USP47: variants seen among roughly 807,000 people sequenced by gnomAD.
USP47 encodes ubiquitin carboxyl-terminal hydrolase 47.
Under a neutral mutation model 165.1 loss-of-function variants are expected in USP47, and 35 were observed. The observed-to-expected ratio is 0.21, with a 90% CI of 0.16 to 0.28. The LOEUF (loss-of-function observed/expected upper bound fraction) is 0.28, where lower values mean the gene tolerates loss of function less well. USP47 is among the 10% of genes least tolerant of loss of function. The probability of loss-of-function intolerance (pLI) is 1.00; values close to 1 mark genes in which losing one functional copy is unlikely to be tolerated. For synonymous variants in USP47, 531 were observed against 544.5 expected (o/e 0.98, Z 0.35); for missense variants, 1,277 against 1,607.4 (o/e 0.79, Z 3.52).
Position 11,845,377 on chromosome 11 carries a change from A to T in USP47, c.39+3153A>T, listed in dbSNP as rs566615872. The stretch of plus-strand genomic sequence containing the variant: ...ATACACATTTTTCCATAAGTACCTC[A>T]TATCTCATTTATGCTAAATAGCCTT... On this transcript the variant is annotated intron_variant, in intron 1 of 27. Transcript: ENST00000527733. Among the ~76,000 whole-genome samples, 12 of 152,184 alleles carry T rather than the reference A, an allele frequency of 7.9e-5. 1 individual carries two copies. In the South Asian group the frequency reaches 2.3e-3, roughly 29 times the overall value.
At chr11:11,923,940 A>G (rs1170736338) in intron 11 of USP47, among the ~76,000 whole-genome samples, 2 of 152,348 alleles carry the variant, frequency 1.3e-5, no homozygotes, top group East Asian at 3.9e-4. Context: ...GTGTTTTTAC[A>G]TACACTTTCA....
At chr11:11,916,349 A>G (rs1019729681) in intron 8 of USP47, among the ~76,000 whole-genome samples, 2 of 152,196 alleles carry the variant, frequency 1.3e-5, no homozygotes, top group Non-Finnish European at 2.9e-5. Flanking sequence ...TAAGATCTAG[A>G]ATATGAAACT....
At chr11:11,938,799 G>A (rs1855264150) in intron 18 of USP47, among the ~76,000 whole-genome samples, 1 of 151,992 alleles carries the variant, frequency 6.6e-6, no homozygotes, top group African/African-American at 2.4e-5. Flanking sequence ...CAGGAATGGA[G>A]AGGAGGAAGC....
At chr11:11,941,555 C>T (rs893367964) in intron 19 of USP47, among the ~76,000 whole-genome samples, 1 of 151,868 alleles carries the variant, frequency 6.6e-6, no homozygotes, top group Non-Finnish European at 1.5e-5. Context: ...ATAGAGTGAA[C>T]CCCCACACAT....
At chr11:11,880,785 C>T (rs957628675) in intron 2 of USP47, among the ~76,000 whole-genome samples, 1 of 152,014 alleles carries the variant, frequency 6.6e-6, no homozygotes, top group Non-Finnish European at 1.5e-5. Flanking sequence ...AAAATGGAAG[C>T]ATATATGCCT....
rs1854857606 is a variant in USP47, at chr11:11,933,844, G to A, written c.1778G>A (p.Cys593Tyr). The stretch of plus-strand genomic sequence containing the variant: ...TACATTTTCTAGATAAAATTATTCT[G>A]TTTGCATCCTACAAAACAAGTAATG... ...ERNTCKIKLF[C>Y]LHPTKQVMME... The change falls in exon 16 of 28, where the codon TGT (cysteine) becomes TAT (tyrosine). Residue 593 changes from cysteine (C) to tyrosine (Y), a missense_variant. Around this residue, in one of 4 missense-constraint regions of USP47, gnomAD observed 909 missense variants for 1,068.1 expected, o/e 0.85. Coordinates refer to ENST00000527733, the MANE Select transcript of USP47 (RefSeq NM_001282659.2). The A allele has an allele frequency of 6.2e-7, 1 of 1,605,004 alleles. No homozygotes were observed. Among genetic ancestry groups the A allele is most frequent in the South Asian group, 1.1e-5 (1 of 90,798 alleles).
At chr11:11,850,929 C>A (rs1848691428) in intron 1 of USP47, among the ~76,000 whole-genome samples, 2 of 152,324 alleles carry the variant, frequency 1.3e-5, no homozygotes, top group South Asian at 4.1e-4. Flanking sequence ...TCTCTGGGGC[C>A]TCTTTTACAA....
intron 1 of USP47, among the ~76,000 whole-genome samples, chr11:11,866,503 T>C (rs1805515696): frequency 6.6e-6 from 1 of 152,192 alleles, no homozygotes. Context: ...GTTGTCGTGG[T>C]GATGAACATG....
At chr11:11,895,819 A>G (rs773069598) in intron 4 of USP47, among the ~76,000 whole-genome samples, 15 of 151,728 alleles carry the variant, frequency 9.9e-5, no homozygotes, top group Non-Finnish European at 1.8e-4. Context: ...GGCCTGTTTG[A>G]TTTCTCCTTC....
intron 25 of USP47, among the ~76,000 whole-genome samples, chr11:11,953,812 A>G (rs1455526674): frequency 1.3e-5 from 2 of 152,220 alleles, no homozygotes; most frequent in African/African-American, 4.8e-5. Context: ...ATCAAAAAAT[A>G]CCTAGAGTTC....
chr11:11,930,213 G>A (rs1257678866), intron 13 of USP47, 93 bp downstream of exon 13: 1 of 1,211,240 alleles, frequency 8.3e-7, no homozygotes, highest in East Asian at 2.5e-5. Flanking sequence ...CCAAGGGATT[G>A]AGGAACTACA....
intron 1 of USP47, among the ~76,000 whole-genome samples, chr11:11,868,762 C>G (rs939097063): frequency 1.1e-4 from 17 of 151,496 alleles, no homozygotes; most frequent in African/African-American, 3.6e-4. Context: ...ATGAGAGATT[C>G]AATTTCTCTA....
intron 8 of USP47, among the ~76,000 whole-genome samples, chr11:11,916,801 A>G (rs1333053250): frequency 1.3e-5 from 2 of 152,186 alleles, no homozygotes; most frequent in Non-Finnish European, 2.9e-5. Context: ...TGTCAAGTCT[A>G]CCTTTTGAAG....
intron 8 of USP47, among the ~76,000 whole-genome samples, chr11:11,914,662 C>G (rs1055384957): frequency 1.3e-5 from 2 of 152,066 alleles, no homozygotes; most frequent in African/African-American, 2.4e-5. Flanking sequence ...AAAGTACTCT[C>G]AAGACATCAG....
chr11:11,895,256 T>C (rs1851776788), intron 4 of USP47, among the ~76,000 whole-genome samples: 1 of 152,180 alleles, frequency 6.6e-6, no homozygotes, highest in Admixed American at 6.6e-5. Context: ...GTAATCATAG[T>C]CTTTGTTCGC....
chr11:11,905,899 CT>C (rs1852527750), intron 8 of USP47, among the ~76,000 whole-genome samples: 1 of 150,916 alleles, frequency 6.6e-6, no homozygotes, highest in Non-Finnish European at 1.5e-5. Flanking sequence ...CTGGAAAGTA[CT>C]TTGTTTTGGG....
chr11:11,892,375 A>T lies in USP47; in HGVS notation c.496+269A>T, dbSNP rs7939856. On this transcript the variant is annotated intron_variant, in intron 4 of 27. Coordinates refer to ENST00000527733, the MANE Select transcript of USP47 (RefSeq NM_001282659.2). The stretch of plus-strand genomic sequence containing the variant: ...AAGGAAGACTTTTCTTTTCTTTTTA[A>T]TTTTCTTTTTTTTTTTTTTTTTTTG... 6.4e-5 allele frequency among the ~76,000 whole-genome samples: 9 copies of T among 140,888 alleles called. 1 individual carries two copies. The highest frequency in any genetic ancestry group is 3.8e-3 in the Middle Eastern group (1 of 266). The allele number at this position is 140,888 out of a possible 152,430, so 92.4% of individuals were successfully genotyped here.
chr11:11,914,182 CTA>C (rs1374932261), intron 8 of USP47, among the ~76,000 whole-genome samples: 1 of 152,020 alleles, frequency 6.6e-6, no homozygotes, highest in Non-Finnish European at 1.5e-5. Flanking sequence ...GTAATCAAGA[CTA>C]TGTGATATTG....
At chr11:11,916,570 A>G (rs1398714637) in intron 8 of USP47, among the ~76,000 whole-genome samples, 2 of 152,156 alleles carry the variant, frequency 1.3e-5, no homozygotes, top group African/African-American at 4.8e-5. Flanking sequence ...AATAAATTAA[A>G]AAATGCTCAA....
Sources: gnomAD v4.1 joint callset for allele counts (sites outside exome capture counted in the v4.1 genomes callset) on GRCh38, gnomAD v4.1.1 for gene constraint, gnomAD v4.1.1 regional missense constraint, MANE v1.5 for transcripts, NCBI Gene and HGNC (gene_info 2026-07-23, HGNC 2026-07-21) for gene names.